The following IMMP2L variants were observed in gnomAD, a reference collection of about 807,000 sequenced individuals.
The protein encoded by IMMP2L is inner mitochondrial membrane peptidase subunit 2.
Under a neutral mutation model 19.3 loss-of-function variants are expected in IMMP2L, and 18 were observed. The ratio of observed to expected loss-of-function variants is 0.93; its 90% CI spans 0.64 to 1.38. The LOEUF is 1.38. Among genes scored for constraint, IMMP2L ranks in the 40% most tolerant of loss-of-function variants. The probability of loss-of-function intolerance (pLI) is 0.00; values close to 1 mark genes in which losing one functional copy is unlikely to be tolerated. For missense variants in IMMP2L, 233 were observed against 218.2 expected, an observed-to-expected ratio of 1.07 and a Z score of -0.43; for synonymous variants, 76 against 73.0, an observed-to-expected ratio of 1.04 and a Z score of -0.21.
At chr7:111,000,670 G>A (rs1396334901) in intron 3 of IMMP2L, among the ~76,000 whole-genome samples, 1 of 151,958 alleles carries the variant, frequency 6.6e-6, no homozygotes, top group Admixed American at 6.6e-5. Context: ...ATGGTGAAAA[G>A]TCATCTCTAT....
At chr7:110,925,336 G>A (rs1268395962) in intron 4 of IMMP2L, among the ~76,000 whole-genome samples, 2 of 152,000 alleles carry the variant, frequency 1.3e-5, no homozygotes, top group South Asian at 2.1e-4. Flanking sequence ...TGTCGGAGGA[G>A]GCATCTTTAA....
intron 3 of IMMP2L, among the ~76,000 whole-genome samples, chr7:111,359,550 C>T (rs1315047418): frequency 6.6e-6 from 1 of 151,986 alleles, no homozygotes; most frequent in Non-Finnish European, 1.5e-5. Context: ...AACCCACCTG[C>T]CTCAGCCTCC....
intron 5 of IMMP2L, among the ~76,000 whole-genome samples, chr7:110,684,776 A>C (rs2130480907): frequency 6.6e-6 from 1 of 152,148 alleles, no homozygotes; most frequent in Middle Eastern, 3.4e-3. Context: ...GGTGCTAAGA[A>C]ACTGTCACCA....
intron 5 of IMMP2L, among the ~76,000 whole-genome samples, chr7:110,704,553 C>T (rs535758146): frequency 1.3e-5 from 2 of 152,314 alleles, no homozygotes; most frequent in South Asian, 4.1e-4. Context: ...TCAAACTGCC[C>T]TACCAGAAGT....
In IMMP2L at chr7:110,901,176, T is replaced by G. The variant is rs147144975; in HGVS notation, c.306-14481A>C. ...TTTCACTACTCCTGGGTTTATAATC[T>G]ATCCACTGTTTACCTGATATTTTGT... is the stretch of plus-strand genomic sequence containing the variant. On this transcript the variant is annotated intron_variant, in intron 4 of 5. Transcript: ENST00000405709. Among the ~76,000 whole-genome samples the G allele has an allele frequency of 4.4e-3, 676 of 152,250 alleles. 8 individuals are homozygous for G. The highest frequency in any genetic ancestry group is 0.015 in the African/African-American group (636 of 41,560).
intron 3 of IMMP2L, chr7:111,124,565 T>C: frequency 1.2e-6 from 2 of 1,613,720 alleles, no homozygotes; most frequent in South Asian, 1.1e-5. Flanking sequence ...ATTCCCACCA[T>C]CTATCAGAAA....
At chr7:111,193,157 A>G (rs1809083724) in intron 3 of IMMP2L, among the ~76,000 whole-genome samples, 1 of 152,154 alleles carries the variant, frequency 6.6e-6, no homozygotes, top group African/African-American at 2.4e-5. Context: ...TCTTTTGTTT[A>G]TTTCTCTTTT....
At chr7:110,670,001 A>G (rs1425649088) in intron 5 of IMMP2L, among the ~76,000 whole-genome samples, 1 of 152,236 alleles carries the variant, frequency 6.6e-6, no homozygotes, top group Admixed American at 6.5e-5. Context: ...GTTATGTGCT[A>G]AATTGTGTTC....
intron 3 of IMMP2L, among the ~76,000 whole-genome samples, chr7:110,967,017 T>C (rs1476459411): frequency 3.3e-5 from 5 of 152,086 alleles, no homozygotes; most frequent in Non-Finnish European, 7.4e-5. Context: ...TAATAAGTAA[T>C]GTTTTACAAT....
chr7:111,043,296 T>C (rs1279157694), intron 3 of IMMP2L, among the ~76,000 whole-genome samples: 2 of 152,206 alleles, frequency 1.3e-5, no homozygotes, highest in Non-Finnish European at 2.9e-5. Context: ...TTTAAAAGTG[T>C]TAATACAGTA....
chr7:110,667,803 C>G (rs1433979651), intron 5 of IMMP2L, among the ~76,000 whole-genome samples: 1 of 152,156 alleles, frequency 6.6e-6, no homozygotes, highest in Non-Finnish European at 1.5e-5. Flanking sequence ...TAAGGAGATA[C>G]ATTTATGGGA....
At chr7:111,176,391 GAATA>G (rs1252797779) in intron 3 of IMMP2L, among the ~76,000 whole-genome samples, 1 of 152,002 alleles carries the variant, frequency 6.6e-6, no homozygotes, top group African/African-American at 2.4e-5. Flanking sequence ...ACAGAAGAAT[GAATA>G]AAGAAAATGT....
chr7:110,781,633 C>G (rs10500000), intron 5 of IMMP2L, among the ~76,000 whole-genome samples: 1 of 151,342 alleles, frequency 6.6e-6, no homozygotes, highest in Non-Finnish European at 1.5e-5. Context: ...CATTTTCCTA[C>G]GTTCAGATAT....
intron 5 of IMMP2L, among the ~76,000 whole-genome samples, chr7:110,762,918 T>TTAA (rs2130977917): frequency 6.6e-6 from 1 of 152,306 alleles, no homozygotes; most frequent in Non-Finnish European, 1.5e-5. Flanking sequence ...CCTATTATTA[T>TTAA]TAATCAGGAT....
At chr7:110,898,815 T>C (rs1357072232) in intron 4 of IMMP2L, among the ~76,000 whole-genome samples, 2 of 148,752 alleles carry the variant, frequency 1.3e-5, no homozygotes, top group Non-Finnish European at 2.9e-5. Context: ...TTGTTTTTTT[T>C]TTTTTTTAAA....
chr7:110,952,008 A>G (rs985300379), intron 4 of IMMP2L, among the ~76,000 whole-genome samples: 3 of 151,966 alleles, frequency 2.0e-5, no homozygotes, highest in African/African-American at 7.2e-5. Flanking sequence ...AATATTCAAG[A>G]CTCTTTCTGA....
At chr7:111,155,638 T>C (rs377085924) in intron 3 of IMMP2L, among the ~76,000 whole-genome samples, 2 of 146,834 alleles carry the variant, frequency 1.4e-5, no homozygotes, top group South Asian at 2.2e-4. Context: ...AAATGGAAAC[T>C]TGTGTGCATT....
rs1205991660 is a variant in IMMP2L, at chr7:110,663,421, T to C, written c.*181A>G. 7 of 524,670 alleles carry C rather than the reference T, an allele frequency of 1.3e-5. No homozygotes were observed. Among genetic ancestry groups the C allele is most frequent in the Non-Finnish European group, 2.3e-5 (7 of 305,392 alleles). The allele number at this position is 524,670 out of a possible 1,614,324, so 32.5% of individuals were successfully genotyped here. A position where few individuals can be genotyped will look rare whatever the true frequency, so the allele number is the denominator to read the frequency against. On this transcript the variant is annotated 3_prime_UTR_variant, in exon 6 of 6. Transcript: ENST00000405709. ...AAATTTAACACAAAATCAGGTGCCA[T>C]TTAATACTGTTTAACATTTGAAAAT...
In IMMP2L at chr7:111,389,008, C is replaced by G. The variant is rs80015564; in HGVS notation, c.239+98230G>C. On this transcript the variant is annotated intron_variant, in intron 3 of 5. Coordinates refer to ENST00000405709, the MANE Select transcript of IMMP2L (RefSeq NM_032549.4). ...TCAGTAGTAAAGAGCAATCTTAGAC[C>G]CAGTAGCAAAGAGCAACCTTAGCAT... 2.6e-3 allele frequency among the ~76,000 whole-genome samples: 388 copies of G among 152,140 alleles called. 17 individuals are homozygous for G. The East Asian group carries it at 0.057, about 22-fold the overall frequency.
Sources: gnomAD v4.1 joint callset for allele counts (sites outside exome capture counted in the v4.1 genomes callset) on GRCh38, gnomAD v4.1.1 for gene constraint, MANE v1.5 for transcripts, NCBI Gene and HGNC (gene_info 2026-07-23, HGNC 2026-07-21) for gene names.